Variants in SCN10A observed in about 807,000 individuals in gnomAD.
SCN10A encodes sodium channel protein type 10 subunit alpha.
SCN10A carries 162 observed loss-of-function variants against 170.7 expected under a neutral mutation model. The ratio of observed to expected loss-of-function variants is 0.95; its 90% CI spans 0.84 to 1.08. SCN10A has a LOEUF of 1.08. Ranked by LOEUF, SCN10A falls within the 50% of genes least tolerant of loss-of-function variation. The probability of loss-of-function intolerance (pLI) is 0.00; values close to 1 mark genes in which losing one functional copy is unlikely to be tolerated. For synonymous variants in SCN10A, 985 were observed against 904.6 expected, an observed-to-expected ratio of 1.09 and a Z score of -1.59; for missense variants, 2,527 against 2,436.9, an observed-to-expected ratio of 1.04 and a Z score of -0.78.
chr3:38,763,463 A>G lies in SCN10A; in HGVS notation c.691+42T>C, dbSNP rs747178697. 3 of 1,425,466 alleles carry G rather than the reference A, an allele frequency of 2.1e-6. No homozygotes were observed. The South Asian group carries it at 3.4e-5, about 16-fold the overall frequency. The allele number at this position is 1,425,466 out of a possible 1,614,324, so 88.3% of individuals were successfully genotyped here. A position where few individuals can be genotyped will look rare whatever the true frequency, so the allele number is the denominator to read the frequency against. On this transcript the variant is annotated intron_variant, in intron 6 of 27. Coordinates refer to ENST00000449082, the MANE Select transcript of SCN10A (RefSeq NM_006514.4). ...CTTGTGAAAATTAGAGAAGGGAGTT[A>G]GGCTGTGAAAACCAACATATGCTCT...
intron 4 of SCN10A, among the ~76,000 whole-genome samples, chr3:38,788,385 T>G (rs930258504): frequency 2.6e-5 from 4 of 152,150 alleles, no homozygotes; most frequent in African/African-American, 9.7e-5. Flanking sequence ...CCCACTAACC[T>G]AGGGAAATAG....
At chr3:38,788,843 T>C in intron 4 of SCN10A, 113 bp downstream of exon 4, 1 of 689,040 alleles carries the variant, frequency 1.5e-6, no homozygotes, top group Non-Finnish European at 2.6e-6. Context: ...ACAATGAGAT[T>C]CAGCATTACC....
intron 4 of SCN10A, among the ~76,000 whole-genome samples, chr3:38,778,462 A>T (rs1424131322): frequency 6.6e-6 from 1 of 151,770 alleles, no homozygotes; most frequent in Non-Finnish European, 1.5e-5. Flanking sequence ...AAAAGAGGGG[A>T]TTAGAAAATG....
At chr3:38,747,416 T>C (rs2063703109) in intron 13 of SCN10A, among the ~76,000 whole-genome samples, 1 of 152,208 alleles carries the variant, frequency 6.6e-6, no homozygotes, top group South Asian at 2.1e-4. Flanking sequence ...TAGTAAATCA[T>C]AATAGCCAAA....
In SCN10A at chr3:38,726,637, C is replaced by T; in HGVS notation, c.3056G>A (p.Ser1019Asn). Residue 1019 changes from serine to asparagine, a missense_variant, in exon 17 of 28, where the codon AGC (serine) becomes AAC (asparagine). Ser to Asn is a conservative substitution (Grantham distance 46). Coordinates refer to ENST00000449082, the MANE Select transcript of SCN10A (RefSeq NM_006514.4). Reference sequence around the variant, plus strand: ...TTTGGGGATCACTTCCTGCTGGAAGCTCTGAGCATCTTCCCCACCATCATC... The same window carrying T: ...TTTGGGGATCACTTCCTGCTGGAAGTTCTGAGCATCTTCCCCACCATCATC... ...LEDDGGEDAQ[S>N]FQQEVIPKGQ... 4 of 1,598,710 alleles carry T rather than the reference C, an allele frequency of 2.5e-6. No homozygotes were observed. Among genetic ancestry groups the T allele is most frequent in the Non-Finnish European group, 3.4e-6 (4 of 1,168,360 alleles).
intron 1 of SCN10A, among the ~76,000 whole-genome samples, chr3:38,794,245 G>A (rs969359418): frequency 2.0e-5 from 3 of 151,980 alleles, no homozygotes; most frequent in Non-Finnish European, 4.4e-5. Context: ...CCTCCTCCAG[G>A]TGCCTCAGGG....
At chr3:38,803,208 T>G (rs1287028518) in intron 1 of SCN10A, among the ~76,000 whole-genome samples, 4 of 152,188 alleles carry the variant, frequency 2.6e-5, no homozygotes, top group African/African-American at 9.6e-5. Flanking sequence ...GGTGGGACTG[T>G]AAACTAGTTC....
At chr3:38,744,749 A>G (rs1390276913) in intron 13 of SCN10A, among the ~76,000 whole-genome samples, 1 of 152,170 alleles carries the variant, frequency 6.6e-6, no homozygotes, top group East Asian at 1.9e-4. Context: ...GATTATTTAT[A>G]TCAACATTAC....
At chr3:38,778,681 C>T (rs912244384) in intron 4 of SCN10A, among the ~76,000 whole-genome samples, 3 of 151,944 alleles carry the variant, frequency 2.0e-5, no homozygotes, top group African/African-American at 7.3e-5. Flanking sequence ...AATGCTTTTT[C>T]AAAAGTATAC....
At position 38,712,510 on chromosome 3, in the gene SCN10A, T is replaced by C; in HGVS notation, c.3805-65A>G. 1.9e-6 allele frequency: 3 copies of C among 1,538,798 alleles called. 1 individual carries two copies. The highest frequency in any genetic ancestry group is 2.7e-6 in the Non-Finnish European group (3 of 1,129,080). ...CCCACCCCCTCTGCTGGATTCTATC[T>C]CTTTCTATACTCATTCAGGCTGCTT... On this transcript the variant is annotated intron_variant, in intron 22 of 27. Coordinates refer to ENST00000449082, the MANE Select transcript of SCN10A (RefSeq NM_006514.4).
At chr3:38,815,180 A>G (rs760610213) in intron 1 of SCN10A, among the ~76,000 whole-genome samples, 1 of 152,224 alleles carries the variant, frequency 6.6e-6, no homozygotes, top group Non-Finnish European at 1.5e-5. Flanking sequence ...ATTTGGGGTT[A>G]AAAACAAAGA....
Position 38,707,320 on chromosome 3 carries a change from A to T in SCN10A, c.4345T>A (p.Leu1449Met). Reference protein sequence around the residue: ...QKKYYNAMKKLGSKKPQKPIP... With the variant: ...QKKYYNAMKKMGSKKPQKPIP... ...GGCTTCTGGGGCTTCTTGGAGCCCA[A>T]CTTCTTCATGGCATTGTAGTATTTC... is the stretch of plus-strand genomic sequence containing the variant. Residue 1449 changes from leucine (L) to methionine (M), a missense_variant, in exon 26 of 28, where the codon TTG becomes ATG. Transcript: ENST00000449082. 6.2e-7 allele frequency: 1 copy of T among 1,614,138 alleles called. No homozygotes were observed. The highest frequency in any genetic ancestry group is 8.5e-7 in the Non-Finnish European group (1 of 1,180,010).
rs780692388 is a variant in SCN10A at position 38,755,882 on chromosome 3, C to T, written c.1367G>A (p.Ser456Asn). ...NGSPLTSKNA[S>N]ERRHRIKPRV... ...TGGCTTTATTCTATGCCTTCTCTCA[C>T]TGGCATTTTTGGAGGTTAAAGGTGA... Residue 456 changes from serine to asparagine, a missense_variant, in exon 11 of 28, where the codon AGT becomes AAT. Coordinates refer to ENST00000449082, the MANE Select transcript of SCN10A (RefSeq NM_006514.4). The T allele has an allele frequency of 6.2e-7, 1 of 1,614,092 alleles. No homozygotes were observed. Among genetic ancestry groups the T allele is most frequent in the Non-Finnish European group, 8.5e-7 (1 of 1,180,038 alleles).
intron 5 of SCN10A, among the ~76,000 whole-genome samples, chr3:38,765,841 C>T (rs913004329): frequency 6.6e-6 from 1 of 152,076 alleles, no homozygotes; most frequent in African/African-American, 2.4e-5. Context: ...TGATTTTATC[C>T]ATCCATGAGC....
intron 8 of SCN10A, among the ~76,000 whole-genome samples, chr3:38,757,920 T>G (rs1482353845): frequency 3.9e-5 from 6 of 152,200 alleles, no homozygotes. Context: ...TCAAGAAGCA[T>G]CTGTCAGCTC....
At chr3:38,731,787 C>T (rs2063515550) in intron 15 of SCN10A, among the ~76,000 whole-genome samples, 1 of 152,190 alleles carries the variant, frequency 6.6e-6, no homozygotes, top group Non-Finnish European at 1.5e-5. Flanking sequence ...TGTGCAGGCC[C>T]ATGGACTCTC....
At chr3:38,738,086 GTGCACCACCA>G (rs2063590186) in intron 15 of SCN10A, among the ~76,000 whole-genome samples, 1 of 151,718 alleles carries the variant, frequency 6.6e-6, no homozygotes, top group African/African-American at 2.4e-5. Context: ...GATAACAGAT[GTGCACCACCA>G]TGCCTGGCTA....
chr3:38,747,022 A>C (rs960750501), intron 13 of SCN10A, among the ~76,000 whole-genome samples: 1 of 152,182 alleles, frequency 6.6e-6, no homozygotes, highest in Non-Finnish European at 1.5e-5. Context: ...TGGCAGCATG[A>C]AGCATCCTTC....
At chr3:38,790,708 ACTT>A (rs1315537983) in intron 3 of SCN10A, among the ~76,000 whole-genome samples, 1 of 152,008 alleles carries the variant, frequency 6.6e-6, no homozygotes, top group Admixed American at 6.6e-5. Context: ...TGCAGGCTGG[ACTT>A]CTTAACTAGC....
Sources: gnomAD v4.1 joint callset for allele counts (sites outside exome capture counted in the v4.1 genomes callset) on GRCh38, gnomAD v4.1.1 for gene constraint, MANE v1.5 for transcripts, NCBI Gene and HGNC (gene_info 2026-07-23, HGNC 2026-07-21) for gene names.